ADAMTS17: variants seen among roughly 807,000 people sequenced by gnomAD.
ADAMTS17 encodes the protein A disintegrin and metalloproteinase with thrombospondin motifs 17.
ADAMTS17 carries 113 observed loss-of-function variants against 141.5 expected under a neutral mutation model. The observed-to-expected ratio is 0.80, with a 90% CI of 0.69 to 0.93. The LOEUF is 0.93. Ranked by LOEUF, ADAMTS17 falls within the 40% of genes least tolerant of loss-of-function variation. The pLI is 0.00. For missense variants in ADAMTS17, 1,659 were observed against 1,517.9 expected (o/e 1.09, Z -1.54); for synonymous variants, 768 against 630.6 (o/e 1.22, Z -3.27).
At chr15:100,204,329 T>C (rs955342338) in intron 7 of ADAMTS17, among the ~76,000 whole-genome samples, 72 of 152,332 alleles carry the variant, frequency 4.7e-4, no homozygotes, top group African/African-American at 1.7e-3. Flanking sequence ...GCTCAGTTTT[T>C]CCCACCAACT....
At chr15:100,273,096 G>T (rs1337199840) in intron 4 of ADAMTS17, among the ~76,000 whole-genome samples, 1 of 152,028 alleles carries the variant, frequency 6.6e-6, no homozygotes, top group African/African-American at 2.4e-5. Flanking sequence ...TGGTTTCCTA[G>T]TATTTTATTG....
chr15:100,058,046 T>G lies in ADAMTS17; in HGVS notation c.2138-3992A>C, dbSNP rs180898253. ...CTTCCTATAAATAGGCCCCAGATGTTTACCACCCAGCTGAGTACCCCTGAG... is the reference window on the plus strand; with the variant it reads ...CTTCCTATAAATAGGCCCCAGATGTGTACCACCCAGCTGAGTACCCCTGAG... On this transcript the variant is annotated intron_variant, in intron 15 of 21. Coordinates refer to ENST00000268070, the MANE Select transcript of ADAMTS17 (RefSeq NM_139057.4). Among the ~76,000 whole-genome samples the G allele has an allele frequency of 1.3e-3, 190 of 151,924 alleles. 1 individual carries two copies. Among genetic ancestry groups the G allele is most frequent in the African/African-American group, 4.4e-3 (183 of 41,394 alleles).
chr15:100,148,979 G>C (rs112387190), intron 10 of ADAMTS17, among the ~76,000 whole-genome samples: 79 of 152,258 alleles, frequency 5.2e-4, no homozygotes, highest in African/African-American at 1.1e-3. Flanking sequence ...AGCTGGAATA[G>C]AGTAAGTGCA....
chr15:100,192,526 A>G (rs1261587535), intron 8 of ADAMTS17, among the ~76,000 whole-genome samples: 1 of 152,198 alleles, frequency 6.6e-6, no homozygotes, highest in African/African-American at 2.4e-5. Context: ...CTCTCTCTGC[A>G]TACCTTCCTT....
intron 15 of ADAMTS17, among the ~76,000 whole-genome samples, chr15:100,085,757 G>A (rs951311482): frequency 3.3e-5 from 5 of 149,822 alleles, no homozygotes; most frequent in Admixed American, 2.0e-4. Context: ...AGCTTCATAA[G>A]TGAAGGAGAA....
At chr15:100,306,568 C>A (rs1297449900) in intron 3 of ADAMTS17, 1 of 456,070 alleles carries the variant, frequency 2.2e-6, no homozygotes, top group Admixed American at 2.3e-5. Flanking sequence ...GAGGCCCAGA[C>A]ACTGTGGAAC....
chr15:100,273,379 T>C (rs2043978562), intron 4 of ADAMTS17, among the ~76,000 whole-genome samples: 1 of 152,188 alleles, frequency 6.6e-6, no homozygotes, highest in African/African-American at 2.4e-5. Flanking sequence ...GTTACCTTAC[T>C]AATTATGACT....
intron 8 of ADAMTS17, among the ~76,000 whole-genome samples, chr15:100,158,240 T>TA (rs370638537): frequency 2.2e-3 from 328 of 152,324 alleles, no homozygotes; most frequent in African/African-American, 7.6e-3. Flanking sequence ...CTCAGCTTTT[T>TA]ACTTTACTTT....
intron 20 of ADAMTS17, among the ~76,000 whole-genome samples, chr15:99,981,661 T>C (rs1338600085): frequency 2.0e-5 from 3 of 152,234 alleles, no homozygotes; most frequent in Admixed American, 6.5e-5. Context: ...TTGTTTAATA[T>C]AGATGTGTGT....
At chr15:100,293,113 G>GT (rs2044699629) in intron 3 of ADAMTS17, among the ~76,000 whole-genome samples, 1 of 152,228 alleles carries the variant, frequency 6.6e-6, no homozygotes, top group Admixed American at 6.5e-5. Flanking sequence ...TGTTCAATCT[G>GT]TGTGTTCCAA....
At chr15:100,160,273 A>T (rs1263304734) in intron 8 of ADAMTS17, among the ~76,000 whole-genome samples, 1 of 152,202 alleles carries the variant, frequency 6.6e-6, no homozygotes, top group Non-Finnish European at 1.5e-5. Context: ...AACCTGGGGC[A>T]CAAGTCGATG....
chr15:100,117,255 A>C (rs1039405387), intron 12 of ADAMTS17, among the ~76,000 whole-genome samples: 1 of 149,988 alleles, frequency 6.7e-6, no homozygotes, highest in Non-Finnish European at 1.5e-5. Context: ...TGGAAAAAGA[A>C]GGCAGTGAGT....
In ADAMTS17 at chr15:99,993,504, CA is replaced by C. The variant is rs1220215100; in HGVS notation, c.2797-305del. 6.6e-6 allele frequency among the ~76,000 whole-genome samples: 1 copy of C among 152,066 alleles called. No individual in the cohort carries two copies. Among genetic ancestry groups the C allele is most frequent in the Non-Finnish European group, 1.5e-5 (1 of 68,022 alleles). On this transcript the variant is annotated intron_variant, in intron 19 of 21. Coordinates refer to ENST00000268070, the MANE Select transcript of ADAMTS17 (RefSeq NM_139057.4). This position sits in a 1 kb window ranked among gnomAD's most constrained non-coding sequence, Gnocchi z 4.3. ...TGGCCACTTGTCGGGTCCAAAAGCT[CA>C]AGGCAATACGTGAGCTCGAAGGGCA...
In ADAMTS17 at chr15:100,326,746, C is replaced by T. The variant is rs151248696; in HGVS notation, c.616+4143G>A. On this transcript the variant is annotated intron_variant, in intron 3 of 21. Coordinates refer to ENST00000268070, the MANE Select transcript of ADAMTS17 (RefSeq NM_139057.4). ...CTTTGCAGCTAGTGGCAAACCCAAT[C>T]CAAGCCAACCCACTTCAAATCCCAA... is the stretch of plus-strand genomic sequence containing the variant. 6.9e-3 allele frequency among the ~76,000 whole-genome samples: 1,044 copies of T among 152,266 alleles called. 15 individuals are homozygous for T. Among genetic ancestry groups the T allele is most frequent in the African/African-American group, 0.024 (987 of 41,548 alleles).
intron 20 of ADAMTS17, among the ~76,000 whole-genome samples, chr15:99,989,426 C>T (rs932667100): frequency 2.6e-5 from 4 of 152,214 alleles, no homozygotes; most frequent in African/African-American, 9.6e-5. Context: ...CTTCCAATTC[C>T]CTGATGACAA....
intron 15 of ADAMTS17, among the ~76,000 whole-genome samples, chr15:100,056,275 T>C (rs2032556398): frequency 1.3e-5 from 2 of 152,200 alleles, no homozygotes; most frequent in Non-Finnish European, 2.9e-5. Context: ...CTCTTGCATA[T>C]GCATGTGTCT....
intron 3 of ADAMTS17, among the ~76,000 whole-genome samples, chr15:100,294,929 T>C (rs2044758204): frequency 6.6e-6 from 1 of 152,178 alleles, no homozygotes; most frequent in Non-Finnish European, 1.5e-5. Context: ...CATGAGTCCT[T>C]CTCCTTGGGA....
chr15:100,230,912 G>T (rs2042460929), intron 7 of ADAMTS17, among the ~76,000 whole-genome samples: 1 of 152,122 alleles, frequency 6.6e-6, no homozygotes, highest in African/African-American at 2.4e-5. Flanking sequence ...CAGCAGCCAG[G>T]GGACAAGAAC....
intron 15 of ADAMTS17, among the ~76,000 whole-genome samples, chr15:100,088,574 A>C (rs890059025): frequency 6.6e-6 from 1 of 152,046 alleles, no homozygotes; most frequent in Non-Finnish European, 1.5e-5. Flanking sequence ...GCATCACACT[A>C]CCTGACTTCA....
Sources: allele counts gnomAD v4.1 joint callset (sites outside exome capture counted in the v4.1 genomes callset), GRCh38; gene constraint gnomAD v4.1.1; non-coding constraint Gnocchi (gnomAD v3.1); transcripts MANE v1.5; gene names NCBI Gene and HGNC (gene_info 2026-07-23, HGNC 2026-07-21).